Variants in PLXNA4 observed in about 807,000 individuals in gnomAD.
PLXNA4 encodes the protein plexin A4.
PLXNA4 carries 44 observed loss-of-function variants against 191.8 expected under a neutral mutation model. The ratio of observed to expected loss-of-function variants is 0.23; its 90% confidence interval spans 0.18 to 0.29. The LOEUF is 0.29. Ranked by LOEUF, PLXNA4 falls within the 10% of genes least tolerant of loss-of-function variation. The pLI is 1.00. For missense variants in PLXNA4, 1,800 were observed against 2,488.8 expected, an observed-to-expected ratio of 0.72 and a Z score of 5.89; for synonymous variants, 1,082 against 1,009.5, an observed-to-expected ratio of 1.07 and a Z score of -1.36.
chr7:132,619,606 A>G (rs1412411658), intron 2 of PLXNA4, among the ~76,000 whole-genome samples: 2 of 152,256 alleles, frequency 1.3e-5, no homozygotes, highest in African/African-American at 4.8e-5. Flanking sequence ...GCCCATGAAC[A>G]AAGTGGCAAT....
chr7:132,143,781 T>C lies in PLXNA4; in HGVS notation c.5225+1338A>G, dbSNP rs191687904. Among the ~76,000 whole-genome samples, 38 of 152,310 alleles carry C rather than the reference T, an allele frequency of 2.5e-4. 1 individual carries two copies. In the East Asian group the frequency reaches 5.6e-3, roughly 22 times the overall value. On this transcript the variant is annotated intron_variant, in intron 29 of 31. Coordinates refer to ENST00000321063, the MANE Select transcript of PLXNA4 (RefSeq NM_020911.2). ...ATCGCATCACAAAGTTTTGCTACAC[T>C]GAGTGAGCAATCTAGATTTTTGAGT...
At chr7:132,487,797 C>G (rs528683566) in intron 3 of PLXNA4, among the ~76,000 whole-genome samples, 1 of 152,310 alleles carries the variant, frequency 6.6e-6, no homozygotes, top group South Asian at 2.1e-4. Flanking sequence ...CTCACAGCGT[C>G]TTCCCTGGGC....
intron 8 of PLXNA4, among the ~76,000 whole-genome samples, 179 bp from the exon 9 acceptor site, chr7:132,223,820 A>T (rs960015043): frequency 2.0e-5 from 3 of 152,114 alleles, no homozygotes; most frequent in Non-Finnish European, 4.4e-5. Context: ...TCAGGAAGCT[A>T]ATGGTCTCTG....
At chr7:132,167,626 C>T (rs748498519) in intron 22 of PLXNA4, among the ~76,000 whole-genome samples, 16 of 152,264 alleles carry the variant, frequency 1.1e-4, no homozygotes, top group Non-Finnish European at 1.5e-4. Flanking sequence ...CCTCAAACTC[C>T]AGGGCTTAAA....
chr7:132,216,791 C>G (rs7781263), intron 9 of PLXNA4, among the ~76,000 whole-genome samples: 66,442 of 152,054 alleles, frequency 0.44, 15,958 homozygotes, highest in African/African-American at 0.62. Context: ...ACCCAATCAC[C>G]GTACTGACCT....
rs1179347069 is a variant in PLXNA4, at chr7:132,126,384, T to C, written c.*4095A>G. On this transcript the variant is annotated 3_prime_UTR_variant, in exon 32 of 32. Coordinates refer to ENST00000321063, the MANE Select transcript of PLXNA4 (RefSeq NM_020911.2). ...GGTCTGAGCAGCTCCTGTACTCAAG[T>C]GGATAAATCGCCCTGGGACAGAGGC... The C allele has an allele frequency of 6.6e-6, 1 of 152,268 alleles. No homozygotes were observed. The highest frequency in any genetic ancestry group is 1.9e-4 in the East Asian group (1 of 5,164). The allele number at this position is 152,268 out of a possible 1,614,324, so 9.4% of individuals were successfully genotyped here. A position where few individuals can be genotyped will look rare whatever the true frequency, so the allele number is the denominator to read the frequency against.
At position 132,508,887 on chromosome 7, in the gene PLXNA4, C is replaced by CATTT; in HGVS notation, c.-86-109_-86-108insAAAT. On this transcript the variant is annotated intron_variant, in intron 1 of 31. Coordinates refer to ENST00000321063, the MANE Select transcript of PLXNA4 (RefSeq NM_020911.2). This position sits in a 1 kb window ranked among gnomAD's most constrained non-coding sequence, Gnocchi z 4.4. ...AATGTTCTGCACACACTGAGCAGAA[C>CATTT]TGCACTGGGGGGTGCTGGAGGCTGA... 8.6e-7 allele frequency: 1 copy of CATTT among 1,157,122 alleles called. No individual in the cohort carries two copies. The highest frequency in any genetic ancestry group is 1.2e-6 in the Non-Finnish European group (1 of 857,244). 71.7% of individuals were successfully genotyped at this position (1,157,122 alleles called of 1,614,324 possible).
At chr7:132,569,635 A>G (rs1232972345) in intron 1 of PLXNA4, among the ~76,000 whole-genome samples, 1 of 152,276 alleles carries the variant, frequency 6.6e-6, no homozygotes, top group Non-Finnish European at 1.5e-5. Context: ...AAAATGCTTT[A>G]GTTAGAGTTA....
At chr7:132,275,469 A>G (rs2116356286) in intron 4 of PLXNA4, among the ~76,000 whole-genome samples, 1 of 152,308 alleles carries the variant, frequency 6.6e-6, no homozygotes, top group South Asian at 2.1e-4. Context: ...CCATAAAACC[A>G]GACACTTAAA....
chr7:132,539,359 G>T (rs529204422), intron 1 of PLXNA4, among the ~76,000 whole-genome samples: 1 of 152,180 alleles, frequency 6.6e-6, no homozygotes. Flanking sequence ...CGGCAGTTAC[G>T]AATTGGAGGG....
chr7:132,449,989 C>T (rs1379034396), intron 3 of PLXNA4, among the ~76,000 whole-genome samples: 1 of 152,234 alleles, frequency 6.6e-6, no homozygotes, highest in Non-Finnish European at 1.5e-5. Context: ...TGATGAAATG[C>T]CTCTCCCAGT....
At chr7:132,563,112 C>A (rs1315205411) in intron 1 of PLXNA4, among the ~76,000 whole-genome samples, 1 of 97,638 alleles carries the variant, frequency 1.0e-5, no homozygotes, top group Non-Finnish European at 2.2e-5. Flanking sequence ...CCTCCTCTCC[C>A]TCCTCCTCCT....
At chr7:132,501,430 C>T (rs933650360) in intron 2 of PLXNA4, among the ~76,000 whole-genome samples, 1 of 152,182 alleles carries the variant, frequency 6.6e-6, no homozygotes, top group African/African-American at 2.4e-5. Flanking sequence ...GCTCTCCTGG[C>T]AGCAGTCTGC....
chr7:132,600,663 G>A (rs4421307), intron 2 of PLXNA4, among the ~76,000 whole-genome samples: 124,381 of 152,174 alleles, frequency 0.82, 53,371 homozygotes, highest in Non-Finnish European at 0.97. Context: ...ATGAACCATG[G>A]CACCCTGCCT....
intron 6 of PLXNA4, 105 bp from the exon 7 acceptor site, chr7:132,227,709 A>G (rs1584871940): frequency 7.1e-7 from 1 of 1,400,290 alleles, no homozygotes; most frequent in East Asian, 2.4e-5. Context: ...TCACAGGGAA[A>G]GCAAAGACAA....
At chr7:132,561,820 CCTT>C (rs1480933969) in intron 1 of PLXNA4, among the ~76,000 whole-genome samples, 2 of 141,132 alleles carry the variant, frequency 1.4e-5, no homozygotes, top group Admixed American at 7.0e-5. Flanking sequence ...TCTTTCTCCT[CCTT>C]CTTCTCCTCC....
At chr7:132,432,901 G>A (rs556110653) in intron 3 of PLXNA4, among the ~76,000 whole-genome samples, 6 of 152,096 alleles carry the variant, frequency 3.9e-5, no homozygotes, top group East Asian at 3.9e-4. Flanking sequence ...TTTTTTTCCC[G>A]CAGCATCTCT....
intron 2 of PLXNA4, among the ~76,000 whole-genome samples, chr7:132,606,645 A>G (rs767482871): frequency 1.7e-4 from 26 of 150,164 alleles, no homozygotes; most frequent in Admixed American, 3.3e-4. Flanking sequence ...CAAAACAAGC[A>G]TTATAGCAGA....
intron 2 of PLXNA4, among the ~76,000 whole-genome samples, chr7:132,625,926 T>C (rs1803361639): frequency 6.6e-6 from 1 of 152,206 alleles, no homozygotes; most frequent in Non-Finnish European, 1.5e-5. Flanking sequence ...GATTGTGGAA[T>C]TCAGAAAACA....
Sources: allele counts gnomAD v4.1 joint callset (sites outside exome capture counted in the v4.1 genomes callset), GRCh38; gene constraint gnomAD v4.1.1; non-coding constraint Gnocchi (gnomAD v3.1); transcripts MANE v1.5; gene names NCBI Gene and HGNC (gene_info 2026-07-23, HGNC 2026-07-21).